ADAMTSL1: variants seen among roughly 807,000 people sequenced by gnomAD.
The protein encoded by ADAMTSL1 is ADAMTS-like protein 1.
In ADAMTSL1, 126 loss-of-function variants were observed where a neutral mutation model predicts 201.8. The observed-to-expected ratio is 0.62, with a 90% confidence interval of 0.54 to 0.72. ADAMTSL1 has a LOEUF of 0.72. Among genes scored for constraint, ADAMTSL1 ranks in the 30% least tolerant of loss-of-function variants. The pLI, the probability that ADAMTSL1 is intolerant of heterozygous loss-of-function variation, is 0.00. For synonymous variants in ADAMTSL1, 1,121 were observed against 903.4 expected, an observed-to-expected ratio of 1.24 and a Z score of -4.32; for missense variants, 2,679 against 2,277.8, an observed-to-expected ratio of 1.18 and a Z score of -3.59.
At chr9:18,801,569 C>G (rs1040629753) in intron 20 of ADAMTSL1, among the ~76,000 whole-genome samples, 1 of 152,150 alleles carries the variant, frequency 6.6e-6, no homozygotes, top group African/African-American at 2.4e-5. Flanking sequence ...CTGTTGTTCC[C>G]CCTTCTTCGT....
At chr9:18,592,962 T>G (rs747553008) in intron 4 of ADAMTSL1, among the ~76,000 whole-genome samples, 1 of 152,186 alleles carries the variant, frequency 6.6e-6, no homozygotes, top group Non-Finnish European at 1.5e-5. Flanking sequence ...CTAGGTATTT[T>G]ATTTTATTTG....
intron 1 of ADAMTSL1, among the ~76,000 whole-genome samples, chr9:17,983,742 C>A (rs931081343): frequency 2.0e-5 from 3 of 151,746 alleles, no homozygotes; most frequent in Non-Finnish European, 4.4e-5. Context: ...ATATTTATGT[C>A]TAATTGATTA....
chr9:18,068,208 G>A (rs1262322640), intron 1 of ADAMTSL1, among the ~76,000 whole-genome samples: 1 of 152,122 alleles, frequency 6.6e-6, no homozygotes, highest in Non-Finnish European at 1.5e-5. Context: ...TCCCATCAGT[G>A]AGAGTGTAAG....
At chr9:18,433,167 A>C (rs7871878) in intron 2 of ADAMTSL1, among the ~76,000 whole-genome samples, 5,196 of 152,202 alleles carry the variant, frequency 0.034, 264 homozygotes, top group African/African-American at 0.12. Context: ...TCCCGTGCTG[A>C]CTACAACTAA....
chr9:18,121,410 C>T (rs974674940), intron 1 of ADAMTSL1, among the ~76,000 whole-genome samples: 2 of 152,190 alleles, frequency 1.3e-5, no homozygotes, highest in Non-Finnish European at 2.9e-5. Flanking sequence ...TACCCACCCA[C>T]AATTTCATTA....
intron 2 of ADAMTSL1, among the ~76,000 whole-genome samples, chr9:18,167,059 C>G (rs915509803): frequency 1.3e-5 from 2 of 151,958 alleles, no homozygotes; most frequent in African/African-American, 4.8e-5. Context: ...AACTAAACTT[C>G]CAGTGATTGC....
At chr9:18,703,281 C>A (rs1401209061) in intron 13 of ADAMTSL1, among the ~76,000 whole-genome samples, 1 of 152,126 alleles carries the variant, frequency 6.6e-6, no homozygotes, top group Non-Finnish European at 1.5e-5. Context: ...CTCGCTTCCT[C>A]CCACTTGTGG....
chr9:18,033,574 G>A (rs879478080), intron 1 of ADAMTSL1, among the ~76,000 whole-genome samples: 16 of 152,096 alleles, frequency 1.1e-4, no homozygotes, highest in Non-Finnish European at 1.3e-4. Context: ...CCTGTTTCCC[G>A]GAGGCAAGAT....
chr9:18,342,992 C>A (rs1388914703), intron 2 of ADAMTSL1, among the ~76,000 whole-genome samples: 1 of 151,816 alleles, frequency 6.6e-6, no homozygotes, highest in African/African-American at 2.4e-5. Flanking sequence ...TAGACTGCAC[C>A]CATTTTTCAT....
At chr9:18,750,059 C>T (rs761159891) in intron 15 of ADAMTSL1, among the ~76,000 whole-genome samples, 1 of 152,208 alleles carries the variant, frequency 6.6e-6, no homozygotes, top group Non-Finnish European at 1.5e-5. Flanking sequence ...ATAAGACATA[C>T]AAAGAGGGTT....
chr9:18,235,143 ACAT>A (rs1347504983), intron 2 of ADAMTSL1, among the ~76,000 whole-genome samples: 2 of 152,102 alleles, frequency 1.3e-5, no homozygotes, highest in East Asian at 3.9e-4. Flanking sequence ...TTACATTTAC[ACAT>A]CATGTCTCCC....
intron 2 of ADAMTSL1, among the ~76,000 whole-genome samples, chr9:18,441,191 T>G (rs369092676): frequency 6.6e-6 from 1 of 151,654 alleles, no homozygotes; most frequent in Non-Finnish European, 1.5e-5. Context: ...GGGTTTCTTT[T>G]GGGGGTAATA....
chr9:18,144,662 C>T (rs952067174), intron 1 of ADAMTSL1, among the ~76,000 whole-genome samples: 12 of 152,052 alleles, frequency 7.9e-5, no homozygotes, highest in African/African-American at 1.4e-4. Flanking sequence ...TGGATTAAAA[C>T]GAATTTTTGC....
At chr9:18,719,847 A>G (rs926561040) in intron 14 of ADAMTSL1, among the ~76,000 whole-genome samples, 8 of 152,184 alleles carry the variant, frequency 5.3e-5, no homozygotes, top group Admixed American at 5.2e-4. Flanking sequence ...AACACAGCAT[A>G]CGTGGGAGGA....
intron 2 of ADAMTSL1, among the ~76,000 whole-genome samples, chr9:18,378,053 C>A (rs1352897345): frequency 6.6e-6 from 1 of 152,162 alleles, no homozygotes; most frequent in South Asian, 2.1e-4. Flanking sequence ...GAACTTGATT[C>A]TTCTCTGGGA....
chr9:18,078,672 C>T (rs969048677), intron 1 of ADAMTSL1, among the ~76,000 whole-genome samples: 1 of 152,140 alleles, frequency 6.6e-6, no homozygotes, highest in African/African-American at 2.4e-5. Flanking sequence ...TAAGCCCCTC[C>T]AATCGTAACC....
intron 4 of ADAMTSL1, among the ~76,000 whole-genome samples, chr9:18,607,202 C>A (rs978438228): frequency 6.6e-6 from 1 of 152,126 alleles, no homozygotes; most frequent in African/African-American, 2.4e-5. Context: ...TGATATGTAT[C>A]CCAGCCTGTG....
chr9:18,535,636 G>A (rs1587488756), intron 3 of ADAMTSL1, among the ~76,000 whole-genome samples: 1 of 152,144 alleles, frequency 6.6e-6, no homozygotes, highest in South Asian at 2.1e-4. Flanking sequence ...GCAACACTGG[G>A]TAATTTGGAA....
intron 2 of ADAMTSL1, among the ~76,000 whole-genome samples, chr9:18,305,239 C>T (rs534273645): frequency 1.3e-5 from 2 of 152,234 alleles, no homozygotes; most frequent in Non-Finnish European, 2.9e-5. Flanking sequence ...TGGCTGCCTA[C>T]GCCACCAGGG....
Sources: allele counts gnomAD v4.1 joint callset (sites outside exome capture counted in the v4.1 genomes callset), GRCh38; gene constraint gnomAD v4.1.1; transcripts MANE v1.5; gene names NCBI Gene and HGNC (gene_info 2026-07-23, HGNC 2026-07-21).